FOXK2: variants seen among roughly 807,000 people sequenced by gnomAD.
FOXK2 encodes the protein forkhead box protein K2.
Under a neutral mutation model 53.3 loss-of-function variants are expected in FOXK2, and 24 were observed. That is an observed-to-expected ratio of 0.45 (90% CI 0.33 to 0.63). The LOEUF (loss-of-function observed/expected upper bound fraction) is 0.63. FOXK2 is among the 30% of genes least tolerant of loss of function. The pLI, the probability that FOXK2 is intolerant of heterozygous loss-of-function variation, is 0.03. For synonymous variants in FOXK2, 505 were observed against 407.1 expected (o/e 1.24, Z -2.89); for missense variants, 952 against 910.5 (o/e 1.05, Z -0.59).
chr17:82,533,801 G>A (rs1055028456), intron 1 of FOXK2, among the ~76,000 whole-genome samples: 1 of 150,102 alleles, frequency 6.7e-6, no homozygotes, highest in Admixed American at 6.6e-5. Context: ...TAGGTTAGCC[G>A]GGCGTGGTGA....
At chr17:82,596,650 G>T (rs574362068) in intron 8 of FOXK2, among the ~76,000 whole-genome samples, 1 of 97,444 alleles carries the variant, frequency 1.0e-5, no homozygotes, top group African/African-American at 3.2e-5. Flanking sequence ...TTTAAAAATC[G>T]CTTCAGCCAT....
intron 8 of FOXK2, chr17:82,588,352 G>A (rs56034282): frequency 0.2 from 31,944 of 158,746 alleles, 3,402 homozygotes; most frequent in East Asian, 0.26. Flanking sequence ...AAACCTGGTG[G>A]CACTGCAGGT....
At chr17:82,546,137 G>A (rs1416608827) in intron 1 of FOXK2, among the ~76,000 whole-genome samples, 19 of 72,860 alleles carry the variant, frequency 2.6e-4, no homozygotes, top group Non-Finnish European at 3.9e-4. Flanking sequence ...TTTTTTTTGA[G>A]ATGGAGTCTC....
At chr17:82,593,815 TAA>T (rs1259700529) in intron 8 of FOXK2, 1 of 152,278 alleles carries the variant, frequency 6.6e-6, no homozygotes, top group African/African-American at 2.4e-5. Context: ...TGTGAGCATG[TAA>T]AACGGCAGTG....
chr17:82,601,716 C>A lies in FOXK2; in HGVS notation c.*217C>A. On this transcript the variant is annotated 3_prime_UTR_variant, in exon 9 of 9. Coordinates refer to ENST00000335255, the MANE Select transcript of FOXK2 (RefSeq NM_004514.4). ...AAACCTGATTTGGGAGACGGTGTCT[C>A]CACTGAGCACCTGCTGGGCTGAGCT... The A allele has an allele frequency of 2.0e-6, 1 of 497,576 alleles. No individual in the cohort carries two copies. 30.8% of individuals were successfully genotyped at this position (497,576 alleles called of 1,614,324 possible). A position where few individuals can be genotyped will look rare whatever the true frequency, so the allele number is the denominator to read the frequency against.
chr17:82,577,922 G>T, intron 4 of FOXK2: 1 of 152,364 alleles, frequency 6.6e-6, no homozygotes. Context: ...GTTTTTACTA[G>T]GGATGGGATT....
chr17:82,545,270 C>T (rs1000753364), intron 1 of FOXK2, among the ~76,000 whole-genome samples: 1 of 152,164 alleles, frequency 6.6e-6, no homozygotes, highest in African/African-American at 2.4e-5. Context: ...CTCCTCAGCT[C>T]GGAATTCCTA....
intron 1 of FOXK2, among the ~76,000 whole-genome samples, chr17:82,554,808 G>A (rs1449189921): frequency 2.7e-5 from 4 of 150,416 alleles, no homozygotes; most frequent in Admixed American, 6.7e-5. Context: ...GCAGTGGCTC[G>A]ATCTGGGCTC....
rs61737960 is a variant in FOXK2, at chr17:82,586,025, C to G, written c.1401C>G (p.Val467=). The change falls in exon 7 of 9, where the codon GTC becomes GTG. Residue 467 remains valine (V), a synonymous_variant. Coordinates refer to ENST00000335255, the MANE Select transcript of FOXK2 (RefSeq NM_004514.4). ...PVTTSTSQPP[V]VQTVHVVHQI... The stretch of plus-strand genomic sequence containing the variant: ...CCACCTCGACCTCCCAGCCACCCGT[C>G]GTGCAGACGGTTCACGTCGTCCACC... 1.2e-6 allele frequency: 2 copies of G among 1,612,702 alleles called. No homozygotes were observed. The highest frequency in any genetic ancestry group is 2.7e-5 in the African/African-American group (2 of 74,938).
In FOXK2 at chr17:82,568,236, G is replaced by A. The variant is rs968127472; in HGVS notation, c.762+35G>A. ...TTGTAGCCTTGAAGCAGCCCCTGGG[G>A]GACAGTGTGTAGCCACAGGGCCCTC... On this transcript the variant is annotated intron_variant, in intron 3 of 8. Coordinates refer to ENST00000335255, the MANE Select transcript of FOXK2 (RefSeq NM_004514.4). 3.1e-6 allele frequency: 5 copies of A among 1,609,018 alleles called. No homozygotes were observed. In the African/African-American group the frequency reaches 5.4e-5, roughly 17 times the overall value.
In FOXK2 at chr17:82,582,995, T is replaced by C. The variant is rs745418633; in HGVS notation, c.1103+61T>C. ...GCTTACTAAACTTACCTTCAGTGTA[T>C]TGGGAAAATTTCCTTTTGAAAATGA... On this transcript the variant is annotated intron_variant, in intron 5 of 8. Transcript: ENST00000335255. The C allele has an allele frequency of 4.5e-5, 56 of 1,250,370 alleles. No homozygotes were observed. The African/African-American group carries it at 7.9e-4, about 18-fold the overall frequency. The allele number at this position is 1,250,370 out of a possible 1,614,324, so 77.5% of individuals were successfully genotyped here. A position where few individuals can be genotyped will look rare whatever the true frequency, so the allele number is the denominator to read the frequency against.
Position 82,601,781 on chromosome 17 carries a change from G to A in FOXK2, c.*282G>A. 3.0e-6 allele frequency: 1 copy of A among 337,738 alleles called. No individual in the cohort carries two copies. The highest frequency in any genetic ancestry group is 5.5e-6 in the Non-Finnish European group (1 of 181,036). 20.9% of individuals were successfully genotyped at this position (337,738 alleles called of 1,614,324 possible). On this transcript the variant is annotated 3_prime_UTR_variant, in exon 9 of 9. Coordinates refer to ENST00000335255, the MANE Select transcript of FOXK2 (RefSeq NM_004514.4). ...AAACTCTGTCCTCCCGCGAGGACCA[G>A]GCATCGCTGTGTGAGGACGGCACGG...
intron 8 of FOXK2, chr17:82,596,143 G>A (rs1555644156): frequency 9.7e-7 from 1 of 1,030,998 alleles, no homozygotes; most frequent in Non-Finnish European, 1.2e-6. Flanking sequence ...ATTGCAGGGA[G>A]GAGCATCTGA....
At chr17:82,538,021 C>T (rs1276535923) in intron 1 of FOXK2, among the ~76,000 whole-genome samples, 2 of 151,690 alleles carry the variant, frequency 1.3e-5, no homozygotes, top group Non-Finnish European at 2.9e-5. Context: ...GTCAGGAGTT[C>T]GAGACTAGCT....
At chr17:82,585,838 G>GTGT in intron 6 of FOXK2, 66 bp from the exon 7 acceptor site, 1 of 1,518,678 alleles carries the variant, frequency 6.6e-7, no homozygotes, top group South Asian at 1.2e-5. Context: ...TCAGTGCTGA[G>GTGT]TGTGAGAACC....
intron 1 of FOXK2, among the ~76,000 whole-genome samples, chr17:82,522,684 T>C (rs2044375856): frequency 6.6e-6 from 1 of 151,914 alleles, no homozygotes; most frequent in South Asian, 2.1e-4. Context: ...TTTTGAGTTT[T>C]TAAAGAAAAT....
chr17:82,597,702 A>G (rs148038801), intron 8 of FOXK2, among the ~76,000 whole-genome samples: 14 of 152,044 alleles, frequency 9.2e-5, no homozygotes, highest in South Asian at 2.1e-4. Flanking sequence ...CCAGGCTGGA[A>G]TGCAGTGGCA....
chr17:82,586,808 G>A (rs1329266592), intron 7 of FOXK2, among the ~76,000 whole-genome samples: 1 of 152,086 alleles, frequency 6.6e-6, no homozygotes, highest in Non-Finnish European at 1.5e-5. Context: ...GGCTGAGGCG[G>A]GAGAATCACT....
intron 1 of FOXK2, among the ~76,000 whole-genome samples, chr17:82,548,463 G>C (rs2044647325): frequency 6.6e-6 from 1 of 152,132 alleles, no homozygotes; most frequent in Admixed American, 6.5e-5. Flanking sequence ...TGTAGTGAAT[G>C]ACCATTTTTA....
Sources: gnomAD v4.1 joint callset for allele counts (sites outside exome capture counted in the v4.1 genomes callset) on GRCh38, gnomAD v4.1.1 for gene constraint, MANE v1.5 for transcripts, NCBI Gene and HGNC (gene_info 2026-07-23, HGNC 2026-07-21) for gene names.